Variants in NPR1 observed in about 807,000 individuals in gnomAD.
The protein encoded by NPR1 is atrial natriuretic peptide receptor 1.
A neutral mutation model predicts 116.9 loss-of-function variants in NPR1; 57 were observed. The ratio of observed to expected loss-of-function variants is 0.49; its 90% CI spans 0.39 to 0.61. NPR1 has a LOEUF of 0.61. NPR1 is among the 20% of genes least tolerant of loss of function. NPR1 has a pLI of 0.00. For synonymous variants in NPR1, 555 were observed against 601.6 expected (o/e 0.92, Z 1.13); for missense variants, 1,096 against 1,409.8 (o/e 0.78, Z 3.56).
chr1:153,683,741 T>A lies in NPR1; in HGVS notation c.1401T>A (p.Asp467Glu). 6.2e-7 allele frequency: 1 copy of A among 1,614,148 alleles called. No individual in the cohort carries two copies. The highest frequency in any genetic ancestry group is 8.5e-7 in the Non-Finnish European group (1 of 1,180,000). ...FDNEDPACNQ[D>E]HLSTLEVLAL... ...TGCAATATGGACTCTCTCCTGCAGA[T>A]CACCTTTCCACCCTGGAGGTGCTGG... Residue 467 changes from aspartate (D) to glutamate (E), a missense_variant and splice_region_variant, in exon 7 of 22, where the codon GAT becomes GAA. Physicochemically the swap from Asp to Glu is conservative, Grantham distance 45. Coordinates refer to ENST00000368680, the MANE Select transcript of NPR1 (RefSeq NM_000906.4).
chr1:153,693,904 G>T lies in NPR1; in HGVS notation c.*490G>T. On this transcript the variant is annotated 3_prime_UTR_variant, in exon 22 of 22. Transcript: ENST00000368680. Reference sequence around the variant, plus strand: ...ACCCAGCAGTAGACACAGTGCACAGGGGAGAAGAGGGGTGGCGCAGAAGGG... The same window carrying T: ...ACCCAGCAGTAGACACAGTGCACAGTGGAGAAGAGGGGTGGCGCAGAAGGG... 2 of 398,028 alleles carry T rather than the reference G, an allele frequency of 5.0e-6. No homozygotes were observed. The highest frequency in any genetic ancestry group is 8.8e-6 in the Non-Finnish European group (2 of 226,224). 24.7% of individuals were successfully genotyped at this position (398,028 alleles called of 1,614,324 possible).
chr1:153,691,112 GA>G (rs1315680678), intron 20 of NPR1, among the ~76,000 whole-genome samples: 2 of 152,086 alleles, frequency 1.3e-5, no homozygotes, highest in Non-Finnish European at 2.9e-5. Context: ...TAAAAAGAGG[GA>G]AAAAATCTAT....
chr1:153,693,496 G>A lies in NPR1; in HGVS notation c.*82G>A. The A allele has an allele frequency of 7.9e-7, 1 of 1,264,798 alleles. No homozygotes were observed. The highest frequency in any genetic ancestry group is 1.4e-5 in the South Asian group (1 of 71,248). The allele number at this position is 1,264,798 out of a possible 1,614,324, so 78.3% of individuals were successfully genotyped here. A position where few individuals can be genotyped will look rare whatever the true frequency, so the allele number is the denominator to read the frequency against. On this transcript the variant is annotated 3_prime_UTR_variant, in exon 22 of 22. Coordinates refer to ENST00000368680, the MANE Select transcript of NPR1 (RefSeq NM_000906.4). ...GTGCCAGGCCTCAGCCTCACCCACA[G>A]CAGCCCCATCGCCAAAGGATGGAAG...
At position 153,679,375 on chromosome 1, in the gene NPR1, G is replaced by A. The variant is rs1481136268; in HGVS notation, c.267G>A (p.Leu89=). 6.5e-7 allele frequency: 1 copy of A among 1,539,964 alleles called. No individual in the cohort carries two copies. The highest frequency in any genetic ancestry group is 8.7e-7 in the Non-Finnish European group (1 of 1,148,458). The change falls in exon 1 of 22, where the codon CTG becomes CTA. Residue 89 remains leucine (L), a synonymous_variant. Coordinates refer to ENST00000368680, the MANE Select transcript of NPR1 (RefSeq NM_000906.4). The surrounding 1 kb of genome is among the most constrained non-coding windows in gnomAD (Gnocchi z 4.2). ...TGCTGGGCAGCAGCGAAAACGCGCT[G>A]GGCGTCTGCTCCGACACCGCAGCGC... ...RTVLGSSENA[L]GVCSDTAAPL...
At position 153,693,784 on chromosome 1, in the gene NPR1, C is replaced by G. The variant is rs1670170416; in HGVS notation, c.*370C>G. 2.5e-6 allele frequency: 1 copy of G among 404,274 alleles called. No homozygotes were observed. Among genetic ancestry groups the G allele is most frequent in the Admixed American group, 4.4e-5 (1 of 22,874 alleles). 25.0% of individuals were successfully genotyped at this position (404,274 alleles called of 1,614,324 possible). A position where few individuals can be genotyped will look rare whatever the true frequency, so the allele number is the denominator to read the frequency against. On this transcript the variant is annotated 3_prime_UTR_variant, in exon 22 of 22. Coordinates refer to ENST00000368680, the MANE Select transcript of NPR1 (RefSeq NM_000906.4). ...GACTTACTGGGAGGAGAAAGAGTCA[C>G]CTGAAGGGGAACATGAAAAGAGACT...
Position 153,688,087 on chromosome 1 carries a change from C to T in NPR1, c.2283C>T (p.Pro761=). 6.2e-7 allele frequency: 1 copy of T among 1,612,772 alleles called. No homozygotes were observed. Among genetic ancestry groups the T allele is most frequent in the South Asian group, 1.1e-5 (1 of 90,998 alleles). Residue 761 remains proline, a synonymous_variant, in exon 15 of 22, where the codon CCC becomes CCT. Coordinates refer to ENST00000368680, the MANE Select transcript of NPR1 (RefSeq NM_000906.4). The part of the protein sequence containing the change: ...IIERVTRGEQ[P]PFRPSLALQS... ...AGCGGGTGACTCGGGGTGAGCAGCC[C>T]CCCTTCCGGCCCTCCCTGGCCCTGC... is the stretch of plus-strand genomic sequence containing the variant.
At chr1:153,680,884 G>A (rs1669753935) in intron 2 of NPR1, 184 bp downstream of exon 2, 5 of 636,600 alleles carry the variant, frequency 7.9e-6, no homozygotes, top group Non-Finnish European at 1.3e-5. Flanking sequence ...ATTAGGCAAT[G>A]AAGGGCAGGG....
At chr1:153,690,483 C>G (rs1272493067) in intron 20 of NPR1, 101 bp downstream of exon 20, 9 of 777,496 alleles carry the variant, frequency 1.2e-5, no homozygotes, top group Non-Finnish European at 1.9e-5. Flanking sequence ...CAGCTCCTAG[C>G]CCTTTCGCCT....
chr1:153,679,328 C>A lies in NPR1; in HGVS notation c.220C>A (p.Pro74Thr). ...GGTGAAGGCGCGCCCCGACTTGCTGCCGGGCTGGACGGTCCGCACGGTGCT... is the reference window on the plus strand; with the variant it reads ...GGTGAAGGCGCGCCCCGACTTGCTGACGGGCTGGACGGTCCGCACGGTGCT... The part of the protein sequence containing the change: ...AQVKARPDLL[P>T]GWTVRTVLGS... Residue 74 changes from proline (P) to threonine (T), a missense_variant, in exon 1 of 22, where the codon CCG becomes ACG. Physicochemically the swap from Pro to Thr is conservative, Grantham distance 38. Transcript: ENST00000368680. The surrounding 1 kb of genome is among the most constrained non-coding windows in gnomAD (Gnocchi z 4.2). The A allele has an allele frequency of 6.5e-7, 1 of 1,534,512 alleles. No individual in the cohort carries two copies. The highest frequency in any genetic ancestry group is 2.0e-5 in the Admixed American group (1 of 51,094).
chr1:153,690,036 A>T lies in NPR1; in HGVS notation c.2932+56A>T, dbSNP rs1193817074. 11 of 1,418,224 alleles carry T rather than the reference A, an allele frequency of 7.8e-6. No homozygotes were observed. In the East Asian group the frequency reaches 2.8e-4, roughly 36 times the overall value. 87.9% of individuals were successfully genotyped at this position (1,418,224 alleles called of 1,614,324 possible). A position where few individuals can be genotyped will look rare whatever the true frequency, so the allele number is the denominator to read the frequency against. ...CAGAGGCCAAGGCTTCGCAAGGGAA[A>T]CTTGTCCCCTGGCCCAGCCCCTCGC... On this transcript the variant is annotated intron_variant, in intron 19 of 21. Transcript: ENST00000368680.
chr1:153,686,987 G>A, intron 11 of NPR1, 29 bp from the exon 12 acceptor site: 1 of 1,611,690 alleles, frequency 6.2e-7, no homozygotes, highest in South Asian at 1.1e-5. Context: ...ATCTGCAGGG[G>A]ATTGGTCTGA....
chr1:153,688,841 C>T (rs1056640371), intron 15 of NPR1, 112 bp from the exon 16 acceptor site: 16 of 1,310,538 alleles, frequency 1.2e-5, no homozygotes, highest in East Asian at 4.6e-5. Flanking sequence ...CAACCCTGAG[C>T]GTCTCTAGAG....
chr1:153,680,358 G>A lies in NPR1; in HGVS notation c.722-143G>A, dbSNP rs1024786349. 6.2e-5 allele frequency: 40 copies of A among 640,492 alleles called. No individual in the cohort carries two copies. In the African/African-American group the frequency reaches 6.4e-4, roughly 10 times the overall value. The allele number at this position is 640,492 out of a possible 1,614,324, so 39.7% of individuals were successfully genotyped here. On this transcript the variant is annotated intron_variant, in intron 1 of 21. Coordinates refer to ENST00000368680, the MANE Select transcript of NPR1 (RefSeq NM_000906.4). ...ACTTTCTCCTGCTGTGGCCTAGGCTGAGCCGGGAGTTACCACTTAACTCTC... is the reference window on the plus strand; with the variant it reads ...ACTTTCTCCTGCTGTGGCCTAGGCTAAGCCGGGAGTTACCACTTAACTCTC...
At position 153,680,504 on chromosome 1, in the gene NPR1, T is replaced by C. The variant is rs1669737574; in HGVS notation, c.725T>C (p.Ile242Thr). ...CTGACTCTCCGTCTTTCTCCAGTTA[T>C]CTACATCTGCAGCTCCCCTGATGCC... Reference protein sequence around the residue: ...LRTMPRKGRVIYICSSPDAFR... With the variant: ...LRTMPRKGRVTYICSSPDAFR... Residue 242 changes from isoleucine to threonine, a missense_variant, in exon 2 of 22, where the codon ATC becomes ACC. Transcript: ENST00000368680. The C allele has an allele frequency of 1.2e-6, 2 of 1,614,058 alleles. No individual in the cohort carries two copies. The highest frequency in any genetic ancestry group is 2.7e-5 in the African/African-American group (2 of 74,936).
chr1:153,680,488 C>CG lies in NPR1; in HGVS notation c.722-12dup, dbSNP rs775947739. On this transcript the variant is annotated splice_polypyrimidine_tract_variant and intron_variant, in intron 1 of 21. Transcript: ENST00000368680. Reference sequence around the variant, plus strand: ...ACCTAGGCTTCTCTCTCTGACTCTCCGTCTTTCTCCAGTTATCTACATCTG... The same window carrying CG: ...ACCTAGGCTTCTCTCTCTGACTCTCCGGTCTTTCTCCAGTTATCTACATCTG... 3.4e-5 allele frequency: 55 copies of CG among 1,613,560 alleles called. 1 individual carries two copies. The South Asian group carries it at 6.0e-4, about 18-fold the overall frequency.
rs1571350718 is a variant in NPR1, at chr1:153,687,701, T to C, written c.2160T>C (p.Gly720=). ...CCCCTGTGCGGGGCTCCCAGGCTGG[T>C]GACGTATACAGCTTTGGGATCATCC... ...ASPPVRGSQA[G]DVYSFGIILQ... The change falls in exon 14 of 22, where the codon GGT becomes GGC. Residue 720 remains glycine (G), a synonymous_variant. Coordinates refer to ENST00000368680, the MANE Select transcript of NPR1 (RefSeq NM_000906.4). The C allele has an allele frequency of 2.5e-6, 4 of 1,607,452 alleles. No homozygotes were observed. Among genetic ancestry groups the C allele is most frequent in the Non-Finnish European group, 2.6e-6 (3 of 1,174,686 alleles).
At position 153,680,913 on chromosome 1, in the gene NPR1, C is replaced by T. The variant is rs114684664; in HGVS notation, c.921+213C>T. ...GGCAGGGGACTGCCCAGGGGCGCTT[C>T]GCCACCAGCAGGCTAAAAAGATAAG... On this transcript the variant is annotated intron_variant, in intron 2 of 21. Coordinates refer to ENST00000368680, the MANE Select transcript of NPR1 (RefSeq NM_000906.4). 1,634 of 604,962 alleles carry T rather than the reference C, an allele frequency of 2.7e-3. 18 individuals are homozygous for T. The African/African-American group carries it at 0.027, about 10-fold the overall frequency. The allele number at this position is 604,962 out of a possible 1,614,324, so 37.5% of individuals were successfully genotyped here.
rs1669772486 is a variant in NPR1, at chr1:153,681,284, G to A, written c.1026G>A (p.Glu342=). The change falls in exon 3 of 22, where the codon GAG becomes GAA. Residue 342 remains glutamate, a synonymous_variant. Coordinates refer to ENST00000368680, the MANE Select transcript of NPR1 (RefSeq NM_000906.4). The stretch of plus-strand genomic sequence containing the variant: ...ATGAGCAGTTCAACTTCACCATGGA[G>A]GATGGCCTGGTAAGAAGGGGTCCCG... ...LAYEQFNFTM[E]DGLVNTIPAS... is the part of the protein sequence containing the mutation. 6.2e-7 allele frequency: 1 copy of A among 1,603,756 alleles called. No homozygotes were observed.
chr1:153,689,404 A>C lies in NPR1; in HGVS notation c.2689-49A>C. 1 of 1,613,526 alleles carries C rather than the reference A, an allele frequency of 6.2e-7. No homozygotes were observed. Among genetic ancestry groups the C allele is most frequent in the Non-Finnish European group, 8.5e-7 (1 of 1,179,530 alleles). On this transcript the variant is annotated intron_variant, in intron 17 of 21. Transcript: ENST00000368680. This position sits in a 1 kb window ranked among gnomAD's most constrained non-coding sequence, Gnocchi z 5.1. Reference sequence around the variant, plus strand: ...GGTTCTGCTTTACCCACCTGACCCCAGGTGGGGTCCCCTACTTCCTGTCTC... The same window carrying C: ...GGTTCTGCTTTACCCACCTGACCCCCGGTGGGGTCCCCTACTTCCTGTCTC...
Sources: allele counts gnomAD v4.1 joint callset (sites outside exome capture counted in the v4.1 genomes callset), GRCh38; gene constraint gnomAD v4.1.1; non-coding constraint Gnocchi (gnomAD v3.1); transcripts MANE v1.5; gene names NCBI Gene and HGNC (gene_info 2026-07-23, HGNC 2026-07-21).